The following NPR3 variants were observed in gnomAD, a reference collection of about 807,000 sequenced individuals.
The protein encoded by NPR3 is natriuretic peptide receptor 3.
Under a neutral mutation model 54.5 loss-of-function variants are expected in NPR3, and 34 were observed. The observed-to-expected ratio is 0.62, with a 90% CI of 0.47 to 0.83. NPR3 has a LOEUF of 0.83. Ranked by LOEUF, NPR3 falls within the 40% of genes least tolerant of loss-of-function variation. NPR3 has a pLI of 0.00. For missense variants in NPR3, 674 were observed against 720.8 expected (o/e 0.94, Z 0.74); for synonymous variants, 289 against 297.1 (o/e 0.97, Z 0.28).
chr5:32,735,709 A>G (rs1265276220), intron 2 of NPR3, among the ~76,000 whole-genome samples: 1 of 152,108 alleles, frequency 6.6e-6, no homozygotes, highest in Non-Finnish European at 1.5e-5. Flanking sequence ...AGAGGCACCC[A>G]GTTGTCTACT....
At chr5:32,726,614 G>T (rs892608738) in intron 2 of NPR3, among the ~76,000 whole-genome samples, 1 of 152,194 alleles carries the variant, frequency 6.6e-6, no homozygotes, top group Non-Finnish European at 1.5e-5. Context: ...TAGAGGCAGT[G>T]CATGTGAATT....
At position 32,790,026 on chromosome 5, in the gene NPR3, G is replaced by A. The variant is rs1742830363; in HGVS notation, c.*3681G>A. On this transcript the variant is annotated 3_prime_UTR_variant, in exon 8 of 8. Transcript: ENST00000265074. Reference sequence around the variant, plus strand: ...GCCCCTCGACCTACAGACATTTCATGGGTTTTATTTAATCACACCCCATGG... The same window carrying A: ...GCCCCTCGACCTACAGACATTTCATAGGTTTTATTTAATCACACCCCATGG... 4.3e-6 allele frequency: 1 copy of A among 232,042 alleles called. No individual in the cohort carries two copies. Among genetic ancestry groups the A allele is most frequent in the African/African-American group, 2.3e-5 (1 of 43,894 alleles). 14.4% of individuals were successfully genotyped at this position (232,042 alleles called of 1,614,324 possible). A position where few individuals can be genotyped will look rare whatever the true frequency, so the allele number is the denominator to read the frequency against.
chr5:32,710,825 C>T (rs1399447719), upstream of NPR3: 2 of 1,462,322 alleles, frequency 1.4e-6, no homozygotes, highest in Admixed American at 4.8e-5. Flanking sequence ...ACCGAAACCA[C>T]AATTTCTAGA....
intron 3 of NPR3, among the ~76,000 whole-genome samples, chr5:32,743,392 A>ATGTG (rs144093983): frequency 0.05 from 7,630 of 151,288 alleles, 252 homozygotes; most frequent in Non-Finnish European, 0.073. Context: ...TACTCTTTGT[A>ATGTG]TGTGTGTGTG....
chr5:32,768,403 T>A (rs928307350), intron 3 of NPR3, among the ~76,000 whole-genome samples: 2 of 152,220 alleles, frequency 1.3e-5, no homozygotes, highest in Non-Finnish European at 2.9e-5. Context: ...ATATATCATA[T>A]GACCATATTC....
chr5:32,765,449 G>A (rs969128371), intron 3 of NPR3, among the ~76,000 whole-genome samples: 3 of 152,174 alleles, frequency 2.0e-5, no homozygotes, highest in African/African-American at 7.2e-5. Context: ...AGGGGATGAT[G>A]GCATGCTATG....
chr5:32,692,984 A>G (rs976423843), intron 1 of NPR3, among the ~76,000 whole-genome samples: 2 of 152,138 alleles, frequency 1.3e-5, no homozygotes, highest in Non-Finnish European at 2.9e-5. Context: ...TTAGCCAGGC[A>G]TGGTGGCATG....
chr5:32,695,309 G>A (rs181636757), intron 1 of NPR3, among the ~76,000 whole-genome samples: 23 of 152,248 alleles, frequency 1.5e-4, no homozygotes, highest in Admixed American at 1.2e-3. Context: ...CTGTCGTCCA[G>A]GCTGGAGTGC....
At chr5:32,751,121 A>T in intron 3 of NPR3, among the ~76,000 whole-genome samples, 1 of 151,796 alleles carries the variant, frequency 6.6e-6, no homozygotes, top group Non-Finnish European at 1.5e-5. Context: ...AATTGAGGTG[A>T]CTCAATTTTA....
At chr5:32,713,956 AG>A (rs1738404692) in intron 1 of NPR3, among the ~76,000 whole-genome samples, 1 of 152,228 alleles carries the variant, frequency 6.6e-6, no homozygotes. Context: ...ATTATGAAAA[AG>A]GGCACGTGTG....
chr5:32,785,694 G>A (rs1742579924), intron 7 of NPR3, among the ~76,000 whole-genome samples: 1 of 152,196 alleles, frequency 6.6e-6, no homozygotes, highest in Non-Finnish European at 1.5e-5. Context: ...AAGCTCCAAG[G>A]CTTGCAAAAT....
intron 1 of NPR3, among the ~76,000 whole-genome samples, chr5:32,720,041 A>G (rs778258580): frequency 1.3e-5 from 2 of 152,142 alleles, no homozygotes; most frequent in African/African-American, 4.8e-5. Context: ...ATTTAGATCT[A>G]TTTCCAAAAG....
chr5:32,777,721 T>C (rs1241251057), intron 4 of NPR3, among the ~76,000 whole-genome samples: 1 of 152,194 alleles, frequency 6.6e-6, no homozygotes, highest in African/African-American at 2.4e-5. Flanking sequence ...GTGGATGCCA[T>C]GTCTTACTCA....
At chr5:32,777,319 C>T (rs1054434932) in intron 4 of NPR3, among the ~76,000 whole-genome samples, 1 of 152,168 alleles carries the variant, frequency 6.6e-6, no homozygotes, top group African/African-American at 2.4e-5. Context: ...ATTGCTGAAC[C>T]AGGGTTCAGT....
intron 1 of NPR3, among the ~76,000 whole-genome samples, chr5:32,718,264 C>G (rs561047051): frequency 4.6e-5 from 7 of 152,310 alleles, no homozygotes; most frequent in Admixed American, 2.0e-4. Flanking sequence ...AGTTTGAAGT[C>G]AGGTAGCATG....
chr5:32,734,836 C>G (rs1315719968), intron 2 of NPR3, among the ~76,000 whole-genome samples: 1 of 152,108 alleles, frequency 6.6e-6, no homozygotes, highest in African/African-American at 2.4e-5. Context: ...AGTGGCTCCT[C>G]TGTGAGACAG....
chr5:32,726,963 C>T (rs569267959), intron 2 of NPR3, among the ~76,000 whole-genome samples: 23 of 152,154 alleles, frequency 1.5e-4, no homozygotes, highest in African/African-American at 5.1e-4. Context: ...AGTCTTATTT[C>T]TCAATATTGA....
chr5:32,743,991 T>C (rs1456962303), intron 3 of NPR3, among the ~76,000 whole-genome samples: 59 of 96,992 alleles, frequency 6.1e-4, no homozygotes, highest in South Asian at 1.4e-3. Context: ...TGATGCATTT[T>C]TTTTTTTTTT....
chr5:32,714,307 G>A (rs1342502288), intron 1 of NPR3, among the ~76,000 whole-genome samples: 1 of 152,122 alleles, frequency 6.6e-6, no homozygotes, highest in Non-Finnish European at 1.5e-5. Flanking sequence ...GCATGTGTGA[G>A]ACCAGAGGAG....
Sources: gnomAD v4.1 joint callset for allele counts (sites outside exome capture counted in the v4.1 genomes callset) on GRCh38, gnomAD v4.1.1 for gene constraint, MANE v1.5 for transcripts, NCBI Gene and HGNC (gene_info 2026-07-23, HGNC 2026-07-21) for gene names.